PAICS: variants seen among roughly 807,000 people sequenced by gnomAD.
The protein encoded by PAICS is phosphoribosylaminoimidazole carboxylase and phosphoribosylaminoimidazolesuccinocarboxamide synthase, also known as bifunctional phosphoribosylaminoimidazole carboxylase/phosphoribosylaminoimidazole succinocarboxamide synthetase.
Under a neutral mutation model 53.7 loss-of-function variants are expected in PAICS, and 33 were observed. The observed-to-expected ratio is 0.61, with a 90% CI of 0.47 to 0.82. The LOEUF is 0.82. Ranked by LOEUF, PAICS falls within the 40% of genes least tolerant of loss-of-function variation. The pLI is 0.00. For synonymous variants in PAICS, 141 were observed against 167.2 expected (o/e 0.84, Z 1.21); for missense variants, 394 against 494.1 (o/e 0.80, Z 1.92).
chr4:56,436,719 G>A (rs1578143934), intron 1 of PAICS, among the ~76,000 whole-genome samples: 1 of 152,250 alleles, frequency 6.6e-6, no homozygotes, highest in Non-Finnish European at 1.5e-5. Flanking sequence ...TAGAGGCCGG[G>A]CCTGGTGGCT....
At chr4:56,453,528 C>CAA (rs58717604) in intron 7 of PAICS, 75 bp from the exon 8 acceptor site, 23,209 of 871,196 alleles carry the variant, frequency 0.027, 397 homozygotes, top group African/African-American at 0.14. Flanking sequence ...GGCCTTAAAC[C>CAA]AAAAAAAAAA....
chr4:56,436,697 G>T (rs1717995098), intron 1 of PAICS: 1 of 472,016 alleles, frequency 2.1e-6, no homozygotes, highest in African/African-American at 2.0e-5. Context: ...TGAAACTTTT[G>T]AAAGACCTGT....
chr4:56,436,171 T>C (rs965228552), upstream of PAICS: 14 of 1,502,724 alleles, frequency 9.3e-6, no homozygotes, highest in Non-Finnish European at 1.2e-5. Flanking sequence ...GTTAGGCGGC[T>C]GTAGCGGAGC....
At chr4:56,435,291 G>C, upstream of PAICS, 8 of 1,604,846 alleles carry the variant, frequency 5.0e-6, no homozygotes, top group Non-Finnish European at 6.8e-6. Flanking sequence ...CGCCGACTGC[G>C]GGAAGCGGCT....
At chr4:56,431,486 G>T (rs1273491026), upstream of PAICS, 2 of 976,796 alleles carry the variant, frequency 2.0e-6, no homozygotes, top group African/African-American at 3.5e-5. Context: ...TCCTCAAAGC[G>T]TAATAACAGA....
Position 56,453,675 on chromosome 4 carries a change from A to G in PAICS, c.1025A>G (p.Asn342Ser). 6.4e-7 allele frequency: 1 copy of G among 1,568,012 alleles called. No individual in the cohort carries two copies. The highest frequency in any genetic ancestry group is 8.7e-7 in the Non-Finnish European group (1 of 1,154,752). Residue 342 changes from asparagine to serine, a missense_variant, in exon 8 of 9, where the codon AAC becomes AGC. Asn to Ser is a conservative substitution (Grantham distance 46). Coordinates refer to ENST00000512576, the MANE Select transcript of PAICS (RefSeq NM_001079524.2). ...GGTTTGGGACCAGTGATGTCTGGGA[A>G]CACTGCATATCCAGTTATCAGCTGT... The part of the protein sequence containing the change: ...SNGLGPVMSG[N>S]TAYPVISCPP...
chr4:56,444,169 T>C (rs550588064), intron 2 of PAICS, among the ~76,000 whole-genome samples: 180 of 152,258 alleles, frequency 1.2e-3, no homozygotes, highest in Non-Finnish European at 1.8e-3. Flanking sequence ...GGAAAGAGCA[T>C]TGGAATGAGA....
At chr4:56,456,557 C>T (rs2110098801) in intron 8 of PAICS, among the ~76,000 whole-genome samples, 1 of 152,230 alleles carries the variant, frequency 6.6e-6, no homozygotes, top group South Asian at 2.1e-4. Flanking sequence ...TACAGGCCCA[C>T]ACCATCACAC....
chr4:56,428,007 T>A, the PAICS span, among the ~76,000 whole-genome samples: 1 of 152,284 alleles, frequency 6.6e-6, no homozygotes, highest in South Asian at 2.1e-4. Context: ...TTCACAAATA[T>A]CCAGTGAAGA....
At chr4:56,423,201 T>C in the PAICS span, 1 of 152,386 alleles carries the variant, frequency 6.6e-6, no homozygotes, top group Admixed American at 6.5e-5. Flanking sequence ...AGCTCAATGT[T>C]AATTTAACAA....
chr4:56,411,004 T>C, the PAICS span: 2 of 762,138 alleles, frequency 2.6e-6, no homozygotes, highest in African/African-American at 3.8e-5. Context: ...GGCCATATGA[T>C]AAATATAGAC....
At position 56,463,960 on chromosome 4, in the gene PAICS, A is replaced by G. The variant is rs1416115589; in HGVS notation, c.*4422A>G. On this transcript the variant is annotated 3_prime_UTR_variant, in exon 9 of 9. Transcript: ENST00000512576. ...CGTCATCTAATCCATTGAGGGCCTG[A>G]ATAGAACAAAAAAGGGGAAGAAGGG... 1 of 150,636 alleles carries G rather than the reference A, an allele frequency of 6.6e-6. No homozygotes were observed. Among genetic ancestry groups the G allele is most frequent in the Non-Finnish European group, 1.5e-5 (1 of 68,066 alleles). 9.3% of individuals were successfully genotyped at this position (150,636 alleles called of 1,614,324 possible).
In PAICS at chr4:56,462,519, C is replaced by A. The variant is rs1719553075; in HGVS notation, c.*2981C>A. On this transcript the variant is annotated 3_prime_UTR_variant, in exon 9 of 9. Transcript: ENST00000512576. Reference sequence around the variant, plus strand: ...CAGGTGAGGGATGATGTATGATCTTCAACATGTCTAATTTTTTTGTGCCTC... The same window carrying A: ...CAGGTGAGGGATGATGTATGATCTTAAACATGTCTAATTTTTTTGTGCCTC... 1 of 152,156 alleles carries A rather than the reference C, an allele frequency of 6.6e-6. No individual in the cohort carries two copies. Among genetic ancestry groups the A allele is most frequent in the Admixed American group, 6.5e-5 (1 of 15,276 alleles). 9.4% of individuals were successfully genotyped at this position (152,156 alleles called of 1,614,324 possible).
chr4:56,417,575 G>A, the PAICS span, among the ~76,000 whole-genome samples: 6 of 152,108 alleles, frequency 3.9e-5, no homozygotes, highest in Admixed American at 3.3e-4. Context: ...GAGACCAGGA[G>A]TTCGAGACTA....
rs982078334 is a variant in PAICS at position 56,448,897 on chromosome 4, A to G, written c.687+74A>G. ...TAGAGGAGAAAGGAGAGATGAGGGG[A>G]AAAAGCAAATTATTGTTCCTAATGA... is the stretch of plus-strand genomic sequence containing the variant. On this transcript the variant is annotated intron_variant, in intron 5 of 8. Transcript: ENST00000512576. The G allele has an allele frequency of 4.0e-5, 31 of 771,460 alleles. No homozygotes were observed. In the Admixed American group the frequency reaches 4.9e-4, roughly 12 times the overall value. 47.8% of individuals were successfully genotyped at this position (771,460 alleles called of 1,614,324 possible). A position where few individuals can be genotyped will look rare whatever the true frequency, so the allele number is the denominator to read the frequency against.
upstream of PAICS, chr4:56,435,431 C>G: frequency 1.9e-6 from 3 of 1,613,914 alleles, no homozygotes; most frequent in Middle Eastern, 3.3e-4. Flanking sequence ...GGCGATGCAC[C>G]CGAACACGCC....
At chr4:56,448,662 G>A (rs894952468) in intron 4 of PAICS, 48 bp from the exon 5 acceptor site, 11 of 1,513,788 alleles carry the variant, frequency 7.3e-6, no homozygotes, top group Admixed American at 5.7e-5. Context: ...GTTGAGAGAT[G>A]CTTTCATAAA....
upstream of PAICS, among the ~76,000 whole-genome samples, chr4:56,433,219 G>GAT (rs1383082518): frequency 6.6e-6 from 1 of 151,640 alleles, no homozygotes; most frequent in Non-Finnish European, 1.5e-5. Flanking sequence ...GCACCTTAAT[G>GAT]ATTCTATGCC....
At chr4:56,411,404 G>A in the PAICS span, among the ~76,000 whole-genome samples, 9,471 of 152,198 alleles carry the variant, frequency 0.062, 408 homozygotes, top group Admixed American at 0.095. Flanking sequence ...TACAAGAACA[G>A]CTCCATTTTA....
Sources: gnomAD v4.1 joint callset for allele counts (sites outside exome capture counted in the v4.1 genomes callset) on GRCh38, gnomAD v4.1.1 for gene constraint, MANE v1.5 for transcripts, NCBI Gene and HGNC (gene_info 2026-07-23, HGNC 2026-07-21) for gene names.